NKAIN2: variants seen among roughly 807,000 people sequenced by gnomAD.
NKAIN2 encodes sodium/potassium transporting ATPase interacting 2.
NKAIN2 carries 14 observed loss-of-function variants against 32.6 expected under a neutral mutation model. The observed-to-expected ratio is 0.43, with a 90% CI of 0.28 to 0.67. The LOEUF (loss-of-function observed/expected upper bound fraction) is 0.67. NKAIN2 is among the 30% of genes least tolerant of loss of function. NKAIN2 has a pLI of 0.17. For missense variants in NKAIN2, 198 were observed against 258.3 expected, an observed-to-expected ratio of 0.77 and a Z score of 1.60; for synonymous variants, 80 against 87.2, an observed-to-expected ratio of 0.92 and a Z score of 0.46.
intron 1 of NKAIN2, 27 bp from the exon 2 acceptor site, chr6:124,282,978 T>G: frequency 6.2e-7 from 1 of 1,611,198 alleles, no homozygotes; most frequent in Middle Eastern, 1.7e-4. Context: ...CACATGCTGA[T>G]CTGTCCATCC....
chr6:124,389,982 A>G (rs57766232), intron 3 of NKAIN2, among the ~76,000 whole-genome samples: 10,958 of 152,094 alleles, frequency 0.072, 682 homozygotes, highest in African/African-American at 0.17. Context: ...GTGAGTCCCC[A>G]TCTTTTATCC....
intron 1 of NKAIN2, among the ~76,000 whole-genome samples, chr6:124,065,213 T>TACACACACAC (rs144681461): frequency 6.8e-6 from 1 of 147,912 alleles, no homozygotes; most frequent in African/African-American, 2.5e-5. Flanking sequence ...ATCAGAAAAT[T>TACACACACAC]ACACACACAC....
chr6:123,813,387 A>G (rs959447392), intron 1 of NKAIN2, among the ~76,000 whole-genome samples: 5 of 152,218 alleles, frequency 3.3e-5, no homozygotes, highest in Admixed American at 3.3e-4. Context: ...CAGGTACCCT[A>G]TAAGAGATGG....
chr6:124,078,774 G>A (rs1783812410), intron 1 of NKAIN2, among the ~76,000 whole-genome samples: 1 of 143,388 alleles, frequency 7.0e-6, no homozygotes, highest in Non-Finnish European at 1.5e-5. Flanking sequence ...GCCAAAAATG[G>A]CTATGTCGTT....
intron 3 of NKAIN2, among the ~76,000 whole-genome samples, chr6:124,566,477 C>T (rs1449451660): frequency 6.6e-6 from 1 of 152,132 alleles, no homozygotes; most frequent in African/African-American, 2.4e-5. Flanking sequence ...ATGGATTGCC[C>T]TGGGTCTCCT....
intron 1 of NKAIN2, among the ~76,000 whole-genome samples, chr6:123,996,319 G>T (rs1429231651): frequency 4.0e-5 from 2 of 49,402 alleles, no homozygotes. Context: ...CTCACAATTT[G>T]CTCATTAATG....
chr6:124,788,092 T>C (rs1001326505), intron 4 of NKAIN2, among the ~76,000 whole-genome samples: 1 of 152,118 alleles, frequency 6.6e-6, no homozygotes, highest in African/African-American at 2.4e-5. Context: ...CTAAATCGAC[T>C]TCAAATTACA....
intron 4 of NKAIN2, among the ~76,000 whole-genome samples, chr6:124,723,544 T>C (rs372897139): frequency 1.3e-5 from 2 of 152,360 alleles, no homozygotes; most frequent in South Asian, 2.1e-4. Flanking sequence ...CTGTTTATTT[T>C]CTGCAGGGTA....
intron 1 of NKAIN2, among the ~76,000 whole-genome samples, chr6:124,060,694 G>A (rs1299281989): frequency 6.6e-6 from 1 of 152,020 alleles, no homozygotes; most frequent in East Asian, 1.9e-4. Flanking sequence ...TTCCTTGTTT[G>A]CTTACTCATC....
chr6:124,775,857 T>A (rs926310792), intron 4 of NKAIN2, among the ~76,000 whole-genome samples: 11 of 152,184 alleles, frequency 7.2e-5, no homozygotes, highest in Admixed American at 7.2e-4. Flanking sequence ...TTTACTATCC[T>A]GAACATTTCT....
chr6:123,997,597 C>CTTTT (rs545393601), intron 1 of NKAIN2, among the ~76,000 whole-genome samples: 16 of 98,254 alleles, frequency 1.6e-4, no homozygotes, highest in South Asian at 3.7e-4. Context: ...GGAGTTTATT[C>CTTTT]TTTTTTTTTT....
chr6:124,737,612 A>G (rs1777015965), intron 4 of NKAIN2, among the ~76,000 whole-genome samples: 3 of 151,944 alleles, frequency 2.0e-5, no homozygotes, highest in Admixed American at 2.0e-4. Flanking sequence ...TCAGAAGAAG[A>G]CAGGAAAATG....
At chr6:124,623,997 G>C (rs752967260) in intron 3 of NKAIN2, among the ~76,000 whole-genome samples, 1 of 151,436 alleles carries the variant, frequency 6.6e-6, no homozygotes, top group Non-Finnish European at 1.5e-5. Context: ...AATGTACTGT[G>C]ATTGGTTAGC....
intron 1 of NKAIN2, among the ~76,000 whole-genome samples, chr6:124,112,026 G>A (rs966126256): frequency 6.6e-6 from 1 of 151,798 alleles, no homozygotes; most frequent in Non-Finnish European, 1.5e-5. Flanking sequence ...AATTGTGTTT[G>A]TATCTTTATA....
chr6:124,026,106 C>T lies in NKAIN2; in HGVS notation c.54+221852C>T, dbSNP rs145605022. ...CACCCCTTATTGTCCAATCATGTTT[C>T]TCTACAACTATCCAGTTATTTCATC... On this transcript the variant is annotated intron_variant, in intron 1 of 6. Coordinates refer to ENST00000368417, the MANE Select transcript of NKAIN2 (RefSeq NM_001040214.3). Among the ~76,000 whole-genome samples the T allele has an allele frequency of 4.5e-3, 681 of 152,268 alleles. 9 individuals are homozygous for T. Among genetic ancestry groups the T allele is most frequent in the African/African-American group, 0.016 (645 of 41,558 alleles).
chr6:123,914,350 C>A (rs1052253933), intron 1 of NKAIN2, among the ~76,000 whole-genome samples: 6 of 151,294 alleles, frequency 4.0e-5, no homozygotes, highest in African/African-American at 1.2e-4. Context: ...AAAGACATGT[C>A]GGGAGGAAGC....
At chr6:124,778,893 C>A (rs540597684) in intron 4 of NKAIN2, among the ~76,000 whole-genome samples, 1 of 152,128 alleles carries the variant, frequency 6.6e-6, no homozygotes, top group East Asian at 1.9e-4. Context: ...TGAATAGAGT[C>A]AAAAACCGAT....
At chr6:124,458,139 T>C (rs1246149064) in intron 3 of NKAIN2, among the ~76,000 whole-genome samples, 1 of 151,986 alleles carries the variant, frequency 6.6e-6, no homozygotes, top group Non-Finnish European at 1.5e-5. Flanking sequence ...AAGTTTATTA[T>C]ATACATTTTT....
chr6:124,312,805 C>A (rs977615182), intron 2 of NKAIN2, among the ~76,000 whole-genome samples: 7 of 152,140 alleles, frequency 4.6e-5, no homozygotes, highest in Non-Finnish European at 8.8e-5. Context: ...TGTGCAGATT[C>A]TTTTTGGCTT....
Sources: gnomAD v4.1 joint callset for allele counts (sites outside exome capture counted in the v4.1 genomes callset) on GRCh38, gnomAD v4.1.1 for gene constraint, MANE v1.5 for transcripts, NCBI Gene and HGNC (gene_info 2026-07-23, HGNC 2026-07-21) for gene names.